Variants in ADAM10 observed in about 807,000 individuals in gnomAD.
The protein encoded by ADAM10 is disintegrin and metalloproteinase domain-containing protein 10.
Under a neutral mutation model 90.1 loss-of-function variants are expected in ADAM10, and 17 were observed. The observed-to-expected ratio is 0.19, with a 90% confidence interval of 0.13 to 0.28. The LOEUF (loss-of-function observed/expected upper bound fraction) is 0.28. Ranked by LOEUF, ADAM10 falls within the 10% of genes least tolerant of loss-of-function variation. The probability of loss-of-function intolerance (pLI) is 1.00; values close to 1 mark genes in which losing one functional copy is unlikely to be tolerated. For missense variants in ADAM10, 610 were observed against 914.3 expected (o/e 0.67, Z 4.29); for synonymous variants, 310 against 298.6 (o/e 1.04, Z -0.40).
At chr15:58,724,662 C>A (rs970112957) in intron 1 of ADAM10, among the ~76,000 whole-genome samples, 11 of 152,172 alleles carry the variant, frequency 7.2e-5, no homozygotes, top group Non-Finnish European at 1.0e-4. Context: ...AGAGCTCCAG[C>A]CACCTCAAGT....
intron 2 of ADAM10, chr15:58,686,472 C>T (rs567416968): frequency 1.4e-6 from 2 of 1,395,564 alleles, no homozygotes; most frequent in East Asian, 2.4e-5. Flanking sequence ...AAGTTGGAGG[C>T]TGGCGTGGAG....
At chr15:58,670,317 G>A (rs1285555261) in intron 4 of ADAM10, among the ~76,000 whole-genome samples, 3 of 152,038 alleles carry the variant, frequency 2.0e-5, no homozygotes, top group Non-Finnish European at 2.9e-5. Flanking sequence ...ATAAATCTGT[G>A]TAACCTTTTT....
intron 8 of ADAM10, among the ~76,000 whole-genome samples, 165 bp downstream of exon 8, chr15:58,640,612 T>C (rs1596018921): frequency 6.6e-6 from 1 of 152,220 alleles, no homozygotes. Context: ...CCTTCATCTA[T>C]TGTGGCTTTT....
intron 1 of ADAM10, among the ~76,000 whole-genome samples, chr15:58,745,324 C>G (rs1899755990): frequency 6.6e-6 from 1 of 152,148 alleles, no homozygotes; most frequent in Non-Finnish European, 1.5e-5. Context: ...ATTTCAAAAG[C>G]AGAGTTTATG....
chr15:58,740,364 G>C (rs998730760), intron 1 of ADAM10, among the ~76,000 whole-genome samples: 2 of 150,500 alleles, frequency 1.3e-5, no homozygotes, highest in African/African-American at 4.9e-5. Flanking sequence ...AGCCAAGATC[G>C]CACCACTGCA....
intron 12 of ADAM10, 158 bp downstream of exon 12, chr15:58,611,650 T>C (rs544536118): frequency 2.5e-5 from 17 of 679,914 alleles, no homozygotes; most frequent in Middle Eastern, 4.0e-4. Flanking sequence ...TAGTAGCTAA[T>C]TGAATGCCAC....
In ADAM10 at chr15:58,591,180, C is replaced by T. The variant is rs1330601141; in HGVS notation, c.*6367G>A. The T allele has an allele frequency of 6.6e-6, 1 of 152,070 alleles. No homozygotes were observed. The highest frequency in any genetic ancestry group is 1.5e-5 in the Non-Finnish European group (1 of 68,016). The allele number at this position is 152,070 out of a possible 1,614,324, so 9.4% of individuals were successfully genotyped here. A position where few individuals can be genotyped will look rare whatever the true frequency, so the allele number is the denominator to read the frequency against. ...GAGAGAGACAGAGCAAACAGGGACC[C>T]AATGGCCTGCTTGCTAAGATTGCTG... On this transcript the variant is annotated 3_prime_UTR_variant, in exon 16 of 16. Transcript: ENST00000260408.
chr15:58,651,438 C>T (rs1018223802), intron 5 of ADAM10, among the ~76,000 whole-genome samples: 1 of 152,130 alleles, frequency 6.6e-6, no homozygotes, highest in Non-Finnish European at 1.5e-5. Flanking sequence ...GGTAACCATC[C>T]TTCTACTCTC....
chr15:58,688,974 C>A (rs1230760843), intron 2 of ADAM10, among the ~76,000 whole-genome samples: 1 of 145,780 alleles, frequency 6.9e-6, no homozygotes, highest in African/African-American at 2.5e-5. Context: ...CGAGAGGAGA[C>A]AGAAAAAAAA....
chr15:58,605,371 C>T (rs147393038), intron 14 of ADAM10, among the ~76,000 whole-genome samples: 2,592 of 152,068 alleles, frequency 0.017, 29 homozygotes, highest in Non-Finnish European at 0.026. Flanking sequence ...TGGCAATAGA[C>T]AAAAGACAGT....
At position 58,627,659 on chromosome 15, in the gene ADAM10, T is replaced by C. The variant is rs747742782; in HGVS notation, c.1360+41A>G. On this transcript the variant is annotated intron_variant, in intron 10 of 15. Transcript: ENST00000260408. The stretch of plus-strand genomic sequence containing the variant: ...GAATTCTTTCAAGTTGTCTGAATGT[T>C]TGAAAATGTTCATAACAAAACGTTA... The C allele has an allele frequency of 1.3e-5, 21 of 1,567,818 alleles. No individual in the cohort carries two copies. The Admixed American group carries it at 3.5e-4, about 26-fold the overall frequency.
chr15:58,693,267 A>C (rs1267761273), intron 2 of ADAM10: 1 of 548,832 alleles, frequency 1.8e-6, no homozygotes, highest in Non-Finnish European at 3.3e-6. Flanking sequence ...ACACGGCACC[A>C]AGGCTGCACA....
intron 11 of ADAM10, among the ~76,000 whole-genome samples, chr15:58,618,405 T>C (rs540511928): frequency 2.4e-4 from 36 of 152,152 alleles, no homozygotes; most frequent in African/African-American, 8.4e-4. Context: ...CCTGAAACGA[T>C]GAAACTACTA....
intron 2 of ADAM10, among the ~76,000 whole-genome samples, chr15:58,685,548 A>G (rs1897569911): frequency 4.8e-5 from 1 of 20,772 alleles, no homozygotes; most frequent in Admixed American, 5.1e-4. Context: ...GAAGGAGAAT[A>G]TATATATATA....
chr15:58,603,777 T>C (rs1322286062), intron 14 of ADAM10, among the ~76,000 whole-genome samples: 1 of 150,520 alleles, frequency 6.6e-6, no homozygotes, highest in Non-Finnish European at 1.5e-5. Context: ...AAAGTGTATA[T>C]GATTCCACCT....
intron 9 of ADAM10, among the ~76,000 whole-genome samples, chr15:58,630,424 T>C (rs1896071612): frequency 6.6e-6 from 1 of 152,150 alleles, no homozygotes; most frequent in Admixed American, 6.5e-5. Context: ...CCCCAAATTA[T>C]CAAACACCCC....
intron 5 of ADAM10, among the ~76,000 whole-genome samples, chr15:58,657,199 A>C (rs1244872488): frequency 6.6e-6 from 1 of 152,182 alleles, no homozygotes; most frequent in African/African-American, 2.4e-5. Context: ...TTGGTGCTTC[A>C]TAACCTTCTT....
chr15:58,605,349 G>A, intron 14 of ADAM10, among the ~76,000 whole-genome samples: 1 of 152,012 alleles, frequency 6.6e-6, no homozygotes, highest in East Asian at 1.9e-4. Context: ...TAGCGTGTGG[G>A]GAAATGGAAC....
chr15:58,649,289 A>G (rs757868756), intron 5 of ADAM10, among the ~76,000 whole-genome samples: 2 of 152,182 alleles, frequency 1.3e-5, no homozygotes, highest in Non-Finnish European at 2.9e-5. Context: ...AGAACCTCAG[A>G]ACACTTAAAT....
Sources: allele counts gnomAD v4.1 joint callset (sites outside exome capture counted in the v4.1 genomes callset), GRCh38; gene constraint gnomAD v4.1.1; transcripts MANE v1.5; gene names NCBI Gene and HGNC (gene_info 2026-07-23, HGNC 2026-07-21).